The following HEPH variants were observed in gnomAD, a reference collection of about 807,000 sequenced individuals.
HEPH encodes hephaestin.
A neutral mutation model predicts 80.8 loss-of-function variants in HEPH; 69 were observed. The observed-to-expected ratio is 0.85, with a 90% CI of 0.70 to 1.04. The LOEUF is 1.04. HEPH is among the 50% of genes least tolerant of loss of function. The probability of loss-of-function intolerance (pLI) is 0.00; values close to 1 mark genes in which losing one functional copy is unlikely to be tolerated. For synonymous variants in HEPH, 431 were observed against 322.8 expected (o/e 1.34, Z -3.60); for missense variants, 1,115 against 891.3 (o/e 1.25, Z -3.20).
At chrX:66,209,532 G>A (rs2088998084) in intron 15 of HEPH, among the ~76,000 whole-genome samples, 1 of 112,096 alleles carries the variant, frequency 8.9e-6, no homozygotes, top group African/African-American at 3.2e-5. Context: ...AAGAAAAGCA[G>A]GGAAAAGGAA....
chrX:66,223,047 C>T (rs971364584), intron 15 of HEPH, among the ~76,000 whole-genome samples: 4 of 110,409 alleles, frequency 3.6e-5, no homozygotes, highest in South Asian at 4.0e-4. Context: ...TTCTGCTGTA[C>T]GAACAGCAGT....
chrX:66,208,390 G>A (rs1408264059), intron 15 of HEPH, 144 bp downstream of exon 15: 15 of 543,448 alleles, frequency 2.8e-5, no homozygotes, highest in Admixed American at 4.0e-5. Flanking sequence ...AGGCTGAGGC[G>A]GGTGGATCAC....
At chrX:66,241,578 C>T (rs1236129553) in intron 15 of HEPH, among the ~76,000 whole-genome samples, 13 of 111,447 alleles carry the variant, frequency 1.2e-4, no homozygotes, top group Admixed American at 5.7e-4. Flanking sequence ...AACATAAATG[C>T]GTTCAACATT....
rs368918635 is a variant in HEPH, at chrX:66,197,675, C to T, written c.1502-8C>T. 60 of 1,197,101 alleles carry T rather than the reference C, an allele frequency of 5.0e-5. No homozygotes were observed. The highest frequency in any genetic ancestry group is 4.7e-4 in the Middle Eastern group (2 of 4,273). Reference sequence around the variant, plus strand: ...ATCTAAGTAATGAGTCCCATATTTTCACTACAGGCTCATCTTACCCTGGCT... The same window carrying T: ...ATCTAAGTAATGAGTCCCATATTTTTACTACAGGCTCATCTTACCCTGGCT... On this transcript the variant is annotated splice_polypyrimidine_tract_variant and splice_region_variant and intron_variant, in intron 9 of 20. Transcript: ENST00000343002.
chrX:66,167,896 T>A (rs1189361614), intron 1 of HEPH, among the ~76,000 whole-genome samples: 1 of 112,273 alleles, frequency 8.9e-6, no homozygotes, highest in Non-Finnish European at 1.9e-5. Context: ...GTATTAGAAC[T>A]TGAACCAGAC....
intron 6 of HEPH, among the ~76,000 whole-genome samples, chrX:66,191,642 T>A (rs776000257): frequency 5.3e-5 from 6 of 112,297 alleles, no homozygotes; most frequent in Non-Finnish European, 9.4e-5. Flanking sequence ...TGATAGAAGA[T>A]GTTCTATTAT....
intron 15 of HEPH, among the ~76,000 whole-genome samples, chrX:66,208,448 A>G (rs1372413903): frequency 9.4e-6 from 1 of 106,552 alleles, no homozygotes; most frequent in Admixed American, 1.0e-4. Context: ...GTGAACCCTC[A>G]TCTCTACCAA....
At position 66,177,843 on chromosome X, in the gene HEPH, T is replaced by C. The variant is rs146416689; in HGVS notation, c.625+4042T>C. Reference sequence around the variant, plus strand: ...GTTTGCACTCTTTCAATCTTTTTGATGTAGGCGTTTAGAGCTATGAACTTC... The same window carrying C: ...GTTTGCACTCTTTCAATCTTTTTGACGTAGGCGTTTAGAGCTATGAACTTC... On this transcript the variant is annotated intron_variant, in intron 4 of 20. Coordinates refer to ENST00000343002, the MANE Select transcript of HEPH (RefSeq NM_001367233.3). 6.3e-3 allele frequency among the ~76,000 whole-genome samples: 705 copies of C among 111,709 alleles called. 6 individuals carry two copies. The highest frequency in any genetic ancestry group is 0.021 in the African/African-American group (631 of 30,757).
intron 15 of HEPH, among the ~76,000 whole-genome samples, chrX:66,224,085 G>A (rs1293424394): frequency 3.8e-5 from 3 of 79,459 alleles, no homozygotes; most frequent in African/African-American, 2.2e-4. Flanking sequence ...TCTTTCCCCC[G>A]CTTTTTTTTT....
chrX:66,189,104 A>T (rs2087653535), intron 5 of HEPH, among the ~76,000 whole-genome samples: 1 of 112,345 alleles, frequency 8.9e-6, no homozygotes, highest in Non-Finnish European at 1.9e-5. Flanking sequence ...AATATAAACA[A>T]GTCAGTTTTG....
intron 12 of HEPH, 100 bp downstream of exon 12, chrX:66,200,852 G>A: frequency 1.6e-6 from 1 of 629,622 alleles, no homozygotes; most frequent in Admixed American, 3.4e-5. Flanking sequence ...TAATAGGCAT[G>A]TTAAGGGTTC....
chrX:66,173,604 A>G lies in HEPH; in HGVS notation c.428A>G (p.Asp143Gly), dbSNP rs766299845. Reference sequence around the variant, plus strand: ...TCATTTCTAGGTTCCCTATACCCAGATGGCTCCTCTGGGCCACTGAAAGCT... The same window carrying G: ...TCATTTCTAGGTTCCCTATACCCAGGTGGCTCCTCTGGGCCACTGAAAGCT... ...EKDSEGSLYP[D>G]GSSGPLKADD... Residue 143 changes from aspartate (D) to glycine (G), a missense_variant, in exon 4 of 21, where the codon GAT (aspartate) becomes GGT (glycine). Asp to Gly is a moderately conservative substitution (Grantham distance 94). Transcript: ENST00000343002. 2 of 1,208,771 alleles carry G rather than the reference A, an allele frequency of 1.7e-6. No homozygotes were observed. The highest frequency in any genetic ancestry group is 3.5e-5 in the African/African-American group (2 of 57,696).
At chrX:66,193,749 C>A (rs2087937900) in intron 8 of HEPH, 111 bp downstream of exon 8, 2 of 487,895 alleles carry the variant, frequency 4.1e-6, no homozygotes, top group Middle Eastern at 5.1e-4. Flanking sequence ...CCAGCATCTC[C>A]CAAAGTGAGT....
intron 1 of HEPH, among the ~76,000 whole-genome samples, chrX:66,167,990 G>T (rs747642666): frequency 9.0e-6 from 1 of 111,546 alleles, no homozygotes; most frequent in African/African-American, 3.3e-5. Context: ...GGCCTCCATC[G>T]CCATGTCGTA....
At chrX:66,171,071 T>G (rs967575299) in intron 2 of HEPH, 3 of 312,032 alleles carry the variant, frequency 9.6e-6, no homozygotes, top group Admixed American at 4.0e-5. Context: ...TTGTAAGATG[T>G]ATGGGTGGGA....
At chrX:66,257,342 CCTA>C (rs1569413170) in intron 17 of HEPH, among the ~76,000 whole-genome samples, 1 of 111,727 alleles carries the variant, frequency 9.0e-6, no homozygotes, top group Non-Finnish European at 1.9e-5. Context: ...AGTCTACCTA[CCTA>C]TCGATCGAGC....
intron 15 of HEPH, among the ~76,000 whole-genome samples, chrX:66,218,996 G>A (rs1385811920): frequency 9.0e-6 from 1 of 111,601 alleles, no homozygotes; most frequent in Non-Finnish European, 1.9e-5. Context: ...ACAATATGAG[G>A]GGTGGTCTCC....
At chrX:66,195,036 A>G (rs1414870083) in intron 8 of HEPH, 62 bp from the exon 9 acceptor site, 10 of 955,256 alleles carry the variant, frequency 1.0e-5, no homozygotes, top group Admixed American at 3.5e-5. Flanking sequence ...CTCTTCTTCC[A>G]TTTCCTTCCT....
chrX:66,186,781 C>A (rs746251328), intron 4 of HEPH, among the ~76,000 whole-genome samples: 1 of 112,290 alleles, frequency 8.9e-6, no homozygotes, highest in Admixed American at 9.3e-5. Flanking sequence ...TCTATCAAGG[C>A]CAGGGAAGTT....
Sources: gnomAD v4.1 joint callset for allele counts (sites outside exome capture counted in the v4.1 genomes callset) on GRCh38, gnomAD v4.1.1 for gene constraint, MANE v1.5 for transcripts, NCBI Gene and HGNC (gene_info 2026-07-23, HGNC 2026-07-21) for gene names.